The following PCDH11X variants were observed in gnomAD, a reference collection of about 807,000 sequenced individuals.
PCDH11X encodes protocadherin 11 X-linked, also known as protocadherin-11 X-linked.
A neutral mutation model predicts 53.3 loss-of-function variants in PCDH11X; 18 were observed. That is an observed-to-expected ratio of 0.34 (90% confidence interval 0.23 to 0.50). The LOEUF is 0.50. Among genes scored for constraint, PCDH11X ranks in the 20% least tolerant of loss-of-function variants. The pLI is 0.98. For synonymous variants in PCDH11X, 279 were observed against 393.3 expected (o/e 0.71, Z 3.44); for missense variants, 570 against 1,032.4 (o/e 0.55, Z 6.14).
chrX:92,024,244 T>C (rs923905537), intron 6 of PCDH11X, among the ~76,000 whole-genome samples: 1 of 110,771 alleles, frequency 9.0e-6, no homozygotes, highest in African/African-American at 3.3e-5. Flanking sequence ...GCAGACAACA[T>C]GATTCTATAT....
At chrX:92,575,496 G>T (rs1203744423) in intron 10 of PCDH11X, among the ~76,000 whole-genome samples, 1 of 108,559 alleles carries the variant, frequency 9.2e-6, no homozygotes, top group Non-Finnish European at 1.9e-5. Flanking sequence ...TTTCACTTTT[G>T]TCTTTTACCT....
intron 7 of PCDH11X, among the ~76,000 whole-genome samples, chrX:92,246,286 T>C (rs921109777): frequency 2.7e-5 from 3 of 111,932 alleles, no homozygotes; most frequent in Non-Finnish European, 3.8e-5. Flanking sequence ...AATATTTATT[T>C]TGTACATATT....
At chrX:92,097,783 C>G (rs1017519379) in intron 6 of PCDH11X, among the ~76,000 whole-genome samples, 1 of 110,574 alleles carries the variant, frequency 9.0e-6, no homozygotes, top group African/African-American at 3.3e-5. Context: ...CCCATAATAC[C>G]AAAATCCTTA....
chrX:91,808,490 G>T (rs1602261352), intron 1 of PCDH11X, among the ~76,000 whole-genome samples: 1 of 89,948 alleles, frequency 1.1e-5, no homozygotes, highest in South Asian at 5.1e-4. Flanking sequence ...GCTAGACTCT[G>T]TCTCAAGAAA....
chrX:92,525,631 C>CAA (rs60062573), intron 10 of PCDH11X, among the ~76,000 whole-genome samples: 694 of 49,049 alleles, frequency 0.014, 9 homozygotes, highest in African/African-American at 0.043. Flanking sequence ...AACTCTTTCT[C>CAA]AAAAAAAAAA....
intron 7 of PCDH11X, among the ~76,000 whole-genome samples, chrX:92,247,349 A>T (rs1322060359): frequency 9.0e-6 from 1 of 111,564 alleles, no homozygotes; most frequent in South Asian, 3.8e-4. Flanking sequence ...CTTTCCAGGC[A>T]TTTAAAAAAA....
chrX:92,420,345 AT>A (rs1187884993), intron 9 of PCDH11X, among the ~76,000 whole-genome samples: 1 of 111,674 alleles, frequency 9.0e-6, no homozygotes, highest in Non-Finnish European at 1.9e-5. Context: ...TATTCCTGAA[AT>A]TTTTTCCTAC....
At chrX:92,560,039 G>C in intron 10 of PCDH11X, among the ~76,000 whole-genome samples, 2 of 111,415 alleles carry the variant, frequency 1.8e-5, no homozygotes, top group Non-Finnish European at 3.8e-5. Context: ...CAACAATAAA[G>C]TGACTCCTTC....
chrX:92,552,890 G>T (rs186443533), intron 10 of PCDH11X, among the ~76,000 whole-genome samples: 2 of 109,049 alleles, frequency 1.8e-5, no homozygotes, highest in African/African-American at 6.7e-5. Context: ...ATCTCACTTG[G>T]TTATAATGAA....
chrX:91,874,137 T>C (rs1236413751), intron 5 of PCDH11X, among the ~76,000 whole-genome samples: 7 of 110,933 alleles, frequency 6.3e-5, no homozygotes, highest in Admixed American at 5.8e-4. Flanking sequence ...TAGAAACTAT[T>C]TTTTCTACCC....
intron 6 of PCDH11X, among the ~76,000 whole-genome samples, chrX:91,966,085 C>T (rs185578955): frequency 3.5e-4 from 39 of 110,432 alleles, no homozygotes; most frequent in Non-Finnish European, 1.9e-4. Context: ...AGGAAACAAT[C>T]ATGATGAATG....
intron 9 of PCDH11X, among the ~76,000 whole-genome samples, chrX:92,437,976 A>T (rs868770264): frequency 1.5e-4 from 17 of 112,174 alleles, no homozygotes; most frequent in South Asian, 1.1e-3. Flanking sequence ...ACTGCTAAGT[A>T]ACGCATCGAA....
At chrX:92,027,025 T>C (rs1011360941) in intron 6 of PCDH11X, among the ~76,000 whole-genome samples, 1 of 107,211 alleles carries the variant, frequency 9.3e-6, no homozygotes, top group Admixed American at 1.0e-4. Flanking sequence ...ATTGCCATTT[T>C]AGTGGCTATG....
chrX:92,302,657 G>A (rs2148471683), intron 8 of PCDH11X, among the ~76,000 whole-genome samples: 1 of 109,318 alleles, frequency 9.1e-6, no homozygotes, highest in African/African-American at 3.3e-5. Flanking sequence ...TGTCACACTG[G>A]GAAATTTTAA....
Position 92,078,267 on chromosome X carries a change from A to C in PCDH11X, c.3034-123108A>C, listed in dbSNP as rs748795432. Among the ~76,000 whole-genome samples the C allele has an allele frequency of 3.2e-3, 356 of 110,981 alleles. 2 individuals are homozygous for C. Among genetic ancestry groups the C allele is most frequent in the Middle Eastern group, 4.7e-3 (1 of 215 alleles). On this transcript the variant is annotated intron_variant, in intron 6 of 10. Transcript: ENST00000682573. ...ACTGATCATGTTGCAAAATATTTAT[A>C]AAATGTTTTATCTAATGTAATTAAA...
At chrX:92,286,476 G>A (rs1461725991) in intron 8 of PCDH11X, among the ~76,000 whole-genome samples, 2 of 104,874 alleles carry the variant, frequency 1.9e-5, no homozygotes, top group African/African-American at 7.0e-5. Flanking sequence ...AAAAAGGAAA[G>A]GAAAAGCAAG....
intron 8 of PCDH11X, among the ~76,000 whole-genome samples, chrX:92,378,993 A>G (rs1246075600): frequency 8.8e-6 from 1 of 113,178 alleles, no homozygotes; most frequent in Non-Finnish European, 1.9e-5. Context: ...GGAATTTGTG[A>G]TGGCAGTGGC....
intron 10 of PCDH11X, among the ~76,000 whole-genome samples, chrX:92,472,958 C>CA (rs888751896): frequency 2.8e-5 from 3 of 108,834 alleles, no homozygotes; most frequent in African/African-American, 1.0e-4. Context: ...ACTTTTTGCA[C>CA]ATTGATTTTG....
At chrX:92,002,006 T>C (rs1337026367) in intron 6 of PCDH11X, among the ~76,000 whole-genome samples, 4 of 102,112 alleles carry the variant, frequency 3.9e-5, no homozygotes, top group Non-Finnish European at 7.9e-5. Flanking sequence ...TTTTTCAGTG[T>C]TTTCTTGTAA....
Sources: gnomAD v4.1 joint callset for allele counts (sites outside exome capture counted in the v4.1 genomes callset) on GRCh38, gnomAD v4.1.1 for gene constraint, MANE v1.5 for transcripts, NCBI Gene and HGNC (gene_info 2026-07-23, HGNC 2026-07-21) for gene names.